SLCO3A1: variants seen among roughly 807,000 people sequenced by gnomAD.
SLCO3A1 encodes the protein PGE1 transporter.
A neutral mutation model predicts 63.1 loss-of-function variants in SLCO3A1; 27 were observed. The ratio of observed to expected loss-of-function variants is 0.43; its 90% CI spans 0.32 to 0.59. The LOEUF (loss-of-function observed/expected upper bound fraction) is 0.59, where lower values mean the gene tolerates loss of function less well. SLCO3A1 is among the 20% of genes least tolerant of loss of function. SLCO3A1 has a pLI of 0.09. For synonymous variants in SLCO3A1, 473 were observed against 409.9 expected, an observed-to-expected ratio of 1.15 and a Z score of -1.86; for missense variants, 773 against 945.8, an observed-to-expected ratio of 0.82 and a Z score of 2.40.
At chr15:92,139,294 A>G (rs1291490364) in intron 7 of SLCO3A1, among the ~76,000 whole-genome samples, 1 of 146,556 alleles carries the variant, frequency 6.8e-6, no homozygotes, top group Non-Finnish European at 1.5e-5. Flanking sequence ...ATTTGCGTAT[A>G]TTGAACCAGC....
At chr15:92,047,526 A>T (rs11638907) in intron 2 of SLCO3A1, among the ~76,000 whole-genome samples, 3 of 17,496 alleles carry the variant, frequency 1.7e-4, no homozygotes, top group South Asian at 1.5e-3. Flanking sequence ...TACATAAATA[A>T]ATATATAAAT....
chr15:91,952,621 T>A (rs1900037571), intron 2 of SLCO3A1, among the ~76,000 whole-genome samples: 1 of 152,214 alleles, frequency 6.6e-6, no homozygotes, highest in Non-Finnish European at 1.5e-5. Flanking sequence ...GCTATGATGT[T>A]CAAGATCAAT....
intron 2 of SLCO3A1, among the ~76,000 whole-genome samples, chr15:91,975,878 A>G (rs1248967956): frequency 6.6e-6 from 1 of 152,220 alleles, no homozygotes; most frequent in Non-Finnish European, 1.5e-5. Flanking sequence ...CTGGCCCCAG[A>G]GGTAAAAGAC....
chr15:92,128,501 G>T lies in SLCO3A1; in HGVS notation c.1512+12G>T. 1 of 1,564,916 alleles carries T rather than the reference G, an allele frequency of 6.4e-7. No homozygotes were observed. Among genetic ancestry groups the T allele is most frequent in the Non-Finnish European group, 8.6e-7 (1 of 1,162,868 alleles). ...GCTGCAACAGCACGGTAATGGGATG[G>T]GGCAGGGGATGGGGCAGGGGATTCA... is the stretch of plus-strand genomic sequence containing the variant. On this transcript the variant is annotated intron_variant, in intron 7 of 9. Coordinates refer to ENST00000318445, the MANE Select transcript of SLCO3A1 (RefSeq NM_013272.4).
chr15:92,124,376 G>A (rs1374995370), intron 5 of SLCO3A1, among the ~76,000 whole-genome samples: 1 of 152,148 alleles, frequency 6.6e-6, no homozygotes, highest in Non-Finnish European at 1.5e-5. Flanking sequence ...GTGAAAGCCT[G>A]TGATTGCCAT....
At chr15:91,936,875 G>A (rs539433283) in intron 2 of SLCO3A1, among the ~76,000 whole-genome samples, 4 of 152,208 alleles carry the variant, frequency 2.6e-5, no homozygotes, top group East Asian at 1.9e-4. Flanking sequence ...TGTTTCTCTC[G>A]TAGGCACCAT....
intron 1 of SLCO3A1, among the ~76,000 whole-genome samples, chr15:91,892,084 A>G (rs1309250609): frequency 6.6e-6 from 1 of 152,200 alleles, no homozygotes; most frequent in African/African-American, 2.4e-5. Context: ...CCCTCCCCCC[A>G]GCTTTGCCCT....
chr15:91,944,402 A>G (rs936618763), intron 2 of SLCO3A1, among the ~76,000 whole-genome samples: 1 of 152,158 alleles, frequency 6.6e-6, no homozygotes, highest in Non-Finnish European at 1.5e-5. Flanking sequence ...TCCCAGACCT[A>G]TCCACCAAAG....
At chr15:92,107,512 G>A (rs576954169) in intron 4 of SLCO3A1, among the ~76,000 whole-genome samples, 3 of 152,338 alleles carry the variant, frequency 2.0e-5, no homozygotes, top group Non-Finnish European at 4.4e-5. Context: ...CGCTGCAAAT[G>A]CAGTGCTATA....
chr15:91,882,543 T>C lies in SLCO3A1; in HGVS notation c.180+28455T>C, dbSNP rs558671592. Among the ~76,000 whole-genome samples, 13 of 151,830 alleles carry C rather than the reference T, an allele frequency of 8.6e-5. No individual in the cohort carries two copies. The South Asian group carries it at 2.3e-3, about 27-fold the overall frequency. ...TTCTTTTTTTTCCTTGAGATGGAGTTTCACTCTGTCGCCCAGGCCCGAGTG... is the reference window on the plus strand; with the variant it reads ...TTCTTTTTTTTCCTTGAGATGGAGTCTCACTCTGTCGCCCAGGCCCGAGTG... On this transcript the variant is annotated intron_variant, in intron 1 of 9. Coordinates refer to ENST00000318445, the MANE Select transcript of SLCO3A1 (RefSeq NM_013272.4). The surrounding 1 kb of genome is among the most constrained non-coding windows in gnomAD (Gnocchi z 4.4).
chr15:92,153,125 C>T (rs1235643672), intron 9 of SLCO3A1, among the ~76,000 whole-genome samples: 1 of 152,122 alleles, frequency 6.6e-6, no homozygotes, highest in African/African-American at 2.4e-5. Flanking sequence ...AATAATCAAC[C>T]AGGTATTACC....
chr15:91,999,643 C>A lies in SLCO3A1; in HGVS notation c.646+83185C>A, dbSNP rs572687387. ...AAGTGAGGATTTTCACACAGTGCTGCTAGCCAGGGGCAGTGGTGCATGCCT... is the reference window on the plus strand; with the variant it reads ...AAGTGAGGATTTTCACACAGTGCTGATAGCCAGGGGCAGTGGTGCATGCCT... On this transcript the variant is annotated intron_variant, in intron 2 of 9. Transcript: ENST00000318445. Among the ~76,000 whole-genome samples the A allele has an allele frequency of 3.3e-5, 5 of 152,302 alleles. No individual in the cohort carries two copies. The East Asian group carries it at 7.7e-4, about 24-fold the overall frequency.
chr15:91,921,077 A>G (rs1169031624), intron 2 of SLCO3A1, among the ~76,000 whole-genome samples: 1 of 152,196 alleles, frequency 6.6e-6, no homozygotes, highest in Non-Finnish European at 1.5e-5. Flanking sequence ...GGCTTAAATG[A>G]CAGAAGGATA....
chr15:92,048,791 G>A (rs896192917), intron 2 of SLCO3A1, among the ~76,000 whole-genome samples: 8 of 152,204 alleles, frequency 5.3e-5, no homozygotes, highest in South Asian at 4.1e-4. Context: ...CCAGCTCCTC[G>A]GGAGGCTGAG....
chr15:91,871,765 GTTTTTTTTT>G (rs33938693), intron 1 of SLCO3A1, among the ~76,000 whole-genome samples: 1 of 45,688 alleles, frequency 2.2e-5, no homozygotes, highest in Non-Finnish European at 3.8e-5. Flanking sequence ...TTTTTTTTTG[GTTTTTTTTT>G]TTTTTTTTTT....
At chr15:91,931,801 G>GCACACA (rs747533145) in intron 2 of SLCO3A1, among the ~76,000 whole-genome samples, 1 of 149,768 alleles carries the variant, frequency 6.7e-6, no homozygotes, top group Non-Finnish European at 1.5e-5. Flanking sequence ...ACACACACAC[G>GCACACA]CACACACACA....
chr15:91,888,334 T>G (rs994153638), intron 1 of SLCO3A1, among the ~76,000 whole-genome samples: 1 of 152,254 alleles, frequency 6.6e-6, no homozygotes, highest in African/African-American at 2.4e-5. Flanking sequence ...TATTACATCC[T>G]GAGCATGTGT....
chr15:91,970,098 C>CA (rs1056164443), intron 2 of SLCO3A1, among the ~76,000 whole-genome samples: 15 of 151,596 alleles, frequency 9.9e-5, no homozygotes, highest in Non-Finnish European at 1.8e-4. Context: ...GAAAACAAAA[C>CA]AAAAAAAACT....
intron 1 of SLCO3A1, among the ~76,000 whole-genome samples, chr15:91,893,877 A>G (rs544521166): frequency 2.0e-5 from 3 of 152,318 alleles, no homozygotes; most frequent in Non-Finnish European, 4.4e-5. Context: ...TTGGCTTTCA[A>G]AGAACTTGTA....
Sources: gnomAD v4.1 joint callset for allele counts (sites outside exome capture counted in the v4.1 genomes callset) on GRCh38, gnomAD v4.1.1 for gene constraint, Gnocchi (gnomAD v3.1) non-coding constraint, MANE v1.5 for transcripts, NCBI Gene and HGNC (gene_info 2026-07-23, HGNC 2026-07-21) for gene names.